ATAD5: variants seen among roughly 807,000 people sequenced by gnomAD.
ATAD5 encodes ATPase family AAA domain containing 5.
A neutral mutation model predicts 176.9 loss-of-function variants in ATAD5; 58 were observed. That is an observed-to-expected ratio of 0.33 (90% CI 0.27 to 0.41). The LOEUF is 0.41. ATAD5 is among the 10% of genes least tolerant of loss of function. The pLI is 1.00. For synonymous variants in ATAD5, 640 were observed against 712.6 expected (o/e 0.90, Z 1.62); for missense variants, 1,789 against 2,094.1 (o/e 0.85, Z 2.84).
intron 18 of ATAD5, among the ~76,000 whole-genome samples, chr17:30,885,631 T>C (rs925693603): frequency 2.4e-5 from 3 of 124,548 alleles, no homozygotes; most frequent in African/African-American, 3.6e-5. Context: ...TTCTTTTTTT[T>C]TTTTTTTTTT....
At position 30,887,055 on chromosome 17, in the gene ATAD5, T is replaced by C. The variant is rs113358608; in HGVS notation, c.4078-137T>C. On this transcript the variant is annotated intron_variant, in intron 18 of 22. Transcript: ENST00000321990. ...ATATTCCCTTATATTTTTAAAGCAG[T>C]TTCATCCTCAAGAAGAGCATTTAAG... is the stretch of plus-strand genomic sequence containing the variant. 314 of 620,562 alleles carry C rather than the reference T, an allele frequency of 5.1e-4. No homozygotes were observed. The African/African-American group carries it at 5.1e-3, about 10-fold the overall frequency. 38.4% of individuals were successfully genotyped at this position (620,562 alleles called of 1,614,324 possible).
At chr17:30,843,803 T>C in intron 4 of ATAD5, 110 bp from the exon 5 acceptor site, 2 of 585,036 alleles carry the variant, frequency 3.4e-6, no homozygotes, top group Non-Finnish European at 5.5e-6. Flanking sequence ...GGGAGGTGTA[T>C]GGAGCTGCTA....
intron 3 of ATAD5, among the ~76,000 whole-genome samples, chr17:30,839,906 A>G (rs1905998097): frequency 6.6e-6 from 1 of 151,886 alleles, no homozygotes; most frequent in African/African-American, 2.4e-5. Context: ...TATCATATAT[A>G]AGAAGCTTGA....
At chr17:30,852,011 C>T (rs912729226) in intron 6 of ATAD5, among the ~76,000 whole-genome samples, 2 of 152,322 alleles carry the variant, frequency 1.3e-5, no homozygotes, top group Middle Eastern at 3.4e-3. Context: ...CTCATCAAAC[C>T]TGCAATTATG....
chr17:30,852,696 C>T (rs1567684703), intron 6 of ATAD5, among the ~76,000 whole-genome samples: 4 of 152,010 alleles, frequency 2.6e-5, no homozygotes, highest in African/African-American at 9.7e-5. Context: ...GAGAGCAGGC[C>T]TGTCACATGG....
At chr17:30,865,329 C>T (rs908805776) in intron 10 of ATAD5, among the ~76,000 whole-genome samples, 7 of 152,048 alleles carry the variant, frequency 4.6e-5, no homozygotes, top group East Asian at 1.9e-4. Flanking sequence ...CCCGCCACCA[C>T]GCCCGGCTAA....
At chr17:30,836,180 CT>C (rs369574586) in intron 2 of ATAD5, 132 bp downstream of exon 2, 45,336 of 615,276 alleles carry the variant, frequency 0.074, no homozygotes, top group East Asian at 0.095. Context: ...AACAGGATTT[CT>C]TTTTTTTTTT....
intron 5 of ATAD5, 122 bp downstream of exon 5, chr17:30,844,161 C>A: frequency 2.2e-6 from 2 of 914,812 alleles, no homozygotes; most frequent in Non-Finnish European, 3.0e-6. Context: ...CGGAGTCTCG[C>A]TTTGTCACTC....
intron 19 of ATAD5, among the ~76,000 whole-genome samples, chr17:30,889,528 C>T (rs1394382464): frequency 6.6e-6 from 1 of 151,676 alleles, no homozygotes; most frequent in Non-Finnish European, 1.5e-5. Flanking sequence ...AACGTACAAT[C>T]ACTTTTAGCT....
In ATAD5 at chr17:30,841,738, A is replaced by G. The variant is rs535415348; in HGVS notation, c.2241+957A>G. 5.1e-4 allele frequency among the ~76,000 whole-genome samples: 77 copies of G among 152,104 alleles called. 1 individual carries two copies. Among genetic ancestry groups the G allele is most frequent in the Admixed American group, 5.0e-3 (77 of 15,260 alleles). Reference sequence around the variant, plus strand: ...TTTCATATCAATGGTATCATATAGCATGTGGTTTTTTGTGTCTGGCTTCTA... The same window carrying G: ...TTTCATATCAATGGTATCATATAGCGTGTGGTTTTTTGTGTCTGGCTTCTA... On this transcript the variant is annotated intron_variant, in intron 4 of 22. Coordinates refer to ENST00000321990, the MANE Select transcript of ATAD5 (RefSeq NM_024857.5).
chr17:30,834,481 A>T lies in ATAD5; in HGVS notation c.400A>T (p.Ile134Phe). The T allele has an allele frequency of 6.3e-7, 1 of 1,587,284 alleles. No individual in the cohort carries two copies. Among genetic ancestry groups the T allele is most frequent in the East Asian group, 2.2e-5 (1 of 44,736 alleles). The change falls in exon 2 of 23, where the codon ATT becomes TTT. Residue 134 changes from isoleucine (I) to phenylalanine (F), a missense_variant. Physicochemically the swap from Ile to Phe is conservative, Grantham distance 21 (BLOSUM62 0). This residue lies in a region of ATAD5 where 696 missense variants were observed against 712.5 expected (regional missense o/e 0.98). Coordinates refer to ENST00000321990, the MANE Select transcript of ATAD5 (RefSeq NM_024857.5). Reference protein sequence around the residue: ...NNIKTENEAPIEISSDDSKED... With the variant: ...NNIKTENEAPFEISSDDSKED... The stretch of plus-strand genomic sequence containing the variant: ...TATTAAAACTGAAAATGAAGCTCCA[A>T]TTGAAATTAGTAGCGACGATAGCAA...
chr17:30,878,725 T>TG (rs1555559791), intron 17 of ATAD5, among the ~76,000 whole-genome samples: 2,644 of 92,116 alleles, frequency 0.029, 158 homozygotes, highest in African/African-American at 0.1. Context: ...GGTGTTTTTT[T>TG]TTTTTTTTTT....
At chr17:30,836,542 T>G (rs922139393) in intron 2 of ATAD5, among the ~76,000 whole-genome samples, 1 of 151,946 alleles carries the variant, frequency 6.6e-6, no homozygotes, top group African/African-American at 2.4e-5. Flanking sequence ...AAATTTTTTT[T>G]TTAATTTTAA....
At chr17:30,894,196 A>G in intron 21 of ATAD5, 46 bp downstream of exon 21, 1 of 1,429,538 alleles carries the variant, frequency 7.0e-7, no homozygotes, top group Non-Finnish European at 9.3e-7. Context: ...AATAAATCGT[A>G]AAGGGGAAAT....
rs1356159407 is a variant in ATAD5 at position 30,879,400 on chromosome 17, TTTG to T, written c.4013-21_4013-19del. The T allele has an allele frequency of 1.2e-5, 19 of 1,569,492 alleles. No individual in the cohort carries two copies. Among genetic ancestry groups the T allele is most frequent in the East Asian group, 4.5e-5 (2 of 44,018 alleles). On this transcript the variant is annotated intron_variant, in intron 17 of 22. Coordinates refer to ENST00000321990, the MANE Select transcript of ATAD5 (RefSeq NM_024857.5). ...TCTTAGTGTTTAAGAATTTTTTTTT[TTTG>T]TGTGTGTGTGTGTGTGTAGACCCAA...
chr17:30,838,434 G>C (rs73988193), intron 3 of ATAD5, among the ~76,000 whole-genome samples: 8,679 of 152,188 alleles, frequency 0.057, 685 homozygotes, highest in African/African-American at 0.18. Flanking sequence ...ATCTCATAAA[G>C]TAAATATTAT....
At chr17:30,846,721 CTTT>C (rs34774584) in intron 6 of ATAD5, among the ~76,000 whole-genome samples, 4 of 129,194 alleles carry the variant, frequency 3.1e-5, no homozygotes, top group Admixed American at 7.8e-5. Context: ...ATTTTTCTCT[CTTT>C]TTTTTTTTTT....
chr17:30,892,741 CT>C lies in ATAD5; in HGVS notation c.4395del (p.Lys1466ArgfsTer14). On this transcript the variant is annotated frameshift_variant, in exon 20 of 23. Coordinates refer to ENST00000321990, the MANE Select transcript of ATAD5 (RefSeq NM_024857.5). LOFTEE classifies it high-confidence loss of function. ...TGGCTGTGCTGAGACCTTGTTTGGC[CT>C]TAAGAACATTTTTTCCCCATCTGAA... ...DSGCAETLFGLKNIFSPSEDL... is the reference protein window; with the variant it reads ...DSGCAETLFGXKNIFSPSEDL... 6.3e-7 allele frequency: 1 copy of C among 1,578,602 alleles called. No individual in the cohort carries two copies. Among genetic ancestry groups the C allele is most frequent in the Non-Finnish European group, 8.6e-7 (1 of 1,164,554 alleles).
In ATAD5 at chr17:30,894,736, TA is replaced by T; in HGVS notation, c.5456+19del. The T allele has an allele frequency of 6.3e-7, 1 of 1,587,838 alleles. No individual in the cohort carries two copies. ...AAGTAAAAGAAGGTAAAGGCTTTAT[TA>T]AAAACAACATTTTAGATAGCTTTTT... is the stretch of plus-strand genomic sequence containing the variant. On this transcript the variant is annotated intron_variant, in intron 22 of 22. Transcript: ENST00000321990.
Sources: allele counts gnomAD v4.1 joint callset (sites outside exome capture counted in the v4.1 genomes callset), GRCh38; gene constraint gnomAD v4.1.1; regional missense constraint gnomAD v4.1.1; transcripts MANE v1.5; gene names NCBI Gene and HGNC (gene_info 2026-07-23, HGNC 2026-07-21).